The following PPP1R12B variants were observed in gnomAD, a reference collection of about 807,000 sequenced individuals.
The protein encoded by PPP1R12B is protein phosphatase 1 regulatory subunit 12B, also known as myosin phosphatase target subunit 2.
A neutral mutation model predicts 126.1 loss-of-function variants in PPP1R12B; 76 were observed. That is an observed-to-expected ratio of 0.60 (90% confidence interval 0.50 to 0.73). The LOEUF is 0.73. Ranked by LOEUF, PPP1R12B falls within the 30% of genes least tolerant of loss-of-function variation. The pLI, the probability that PPP1R12B is intolerant of heterozygous loss-of-function variation, is 0.00. For synonymous variants in PPP1R12B, 356 were observed against 434.7 expected (o/e 0.82, Z 2.25); for missense variants, 1,052 against 1,205.1 (o/e 0.87, Z 1.88).
At chr1:202,440,393 T>C (rs191688794) in intron 10 of PPP1R12B, among the ~76,000 whole-genome samples, 34 of 152,326 alleles carry the variant, frequency 2.2e-4, no homozygotes, top group African/African-American at 7.5e-4. Context: ...GAGCTTTCTG[T>C]TTGTGTCTTC....
intron 18 of PPP1R12B, among the ~76,000 whole-genome samples, chr1:202,524,561 G>T (rs6696611): frequency 0.43 from 65,992 of 151,944 alleles, 15,683 homozygotes; most frequent in East Asian, 0.71. Flanking sequence ...TTGTATCACT[G>T]ACACCTTTTC....
chr1:202,430,916 G>A (rs1366726508), intron 7 of PPP1R12B, 106 bp downstream of exon 7: 11 of 1,441,526 alleles, frequency 7.6e-6, no homozygotes, highest in East Asian at 2.5e-5. Flanking sequence ...GTATTTAGCC[G>A]AGTGATCTAT....
At position 202,416,909 on chromosome 1, in the gene PPP1R12B, C is replaced by T. The variant is rs368388486; in HGVS notation, c.414C>T (p.Asn138=). The change falls in exon 2 of 24, where the codon AAC becomes AAT. Residue 138 remains asparagine, a synonymous_variant. Coordinates refer to ENST00000608999, the MANE Select transcript of PPP1R12B (RefSeq NM_002481.4). The part of the protein sequence containing the change: ...LHAAASCGYL[N]IAEYFINHGA... ...CAGCAGCTTCCTGTGGCTATCTCAA[C>T]ATAGCAGAGTGAGTGAGTCTCTGTG... 1.1e-5 allele frequency: 17 copies of T among 1,613,610 alleles called. No individual in the cohort carries two copies. The highest frequency in any genetic ancestry group is 3.3e-4 in the Middle Eastern group (2 of 6,082).
intron 12 of PPP1R12B, among the ~76,000 whole-genome samples, chr1:202,446,228 CTCTCTCTCTATATA>C (rs1420431524): frequency 1.6e-5 from 1 of 63,976 alleles, no homozygotes; most frequent in African/African-American, 7.1e-5. Flanking sequence ...CTCTCTCTCT[CTCTCTCTCTATATA>C]TATATATATA....
rs1185922266 is a variant in PPP1R12B at position 202,411,693 on chromosome 1, T to A, written c.292-5094T>A. 2.0e-5 allele frequency among the ~76,000 whole-genome samples: 3 copies of A among 152,104 alleles called. No homozygotes were observed. The South Asian group carries it at 6.2e-4, about 32-fold the overall frequency. ...CCAAGGGCTTATCTCCTTTAATCTT[T>A]ACAAAACCTTATGAGGTAGGTGGTA... On this transcript the variant is annotated intron_variant, in intron 1 of 23. Transcript: ENST00000608999.
intron 4 of PPP1R12B, among the ~76,000 whole-genome samples, chr1:202,426,725 G>A (rs1397613788): frequency 2.6e-5 from 4 of 152,160 alleles, no homozygotes; most frequent in Non-Finnish European, 4.4e-5. Flanking sequence ...ACAGAGTTAT[G>A]TGATTTGGCT....
intron 1 of PPP1R12B, among the ~76,000 whole-genome samples, chr1:202,408,704 A>G (rs1018576438): frequency 4.6e-5 from 7 of 152,188 alleles, no homozygotes; most frequent in African/African-American, 1.7e-4. Flanking sequence ...TGTATATACC[A>G]TATTTTACTT....
At chr1:202,381,099 C>T (rs1662182195) in intron 1 of PPP1R12B, among the ~76,000 whole-genome samples, 1 of 151,994 alleles carries the variant, frequency 6.6e-6, no homozygotes, top group Admixed American at 6.6e-5. Context: ...GTCTGTATTC[C>T]CTTGCACACA....
intron 1 of PPP1R12B, among the ~76,000 whole-genome samples, chr1:202,412,685 T>C (rs1667560884): frequency 6.6e-6 from 1 of 152,234 alleles, no homozygotes; most frequent in Non-Finnish European, 1.5e-5. Context: ...CTTCTTGATA[T>C]AGGAGTATTA....
chr1:202,407,342 T>C lies in PPP1R12B; in HGVS notation c.292-9445T>C, dbSNP rs115006589. ...TTAATTGAAGGGAGATGTTCTCTGG[T>C]CCCAGCCTGTAAACATTTGCAGTCT... On this transcript the variant is annotated intron_variant, in intron 1 of 23. Coordinates refer to ENST00000608999, the MANE Select transcript of PPP1R12B (RefSeq NM_002481.4). Among the ~76,000 whole-genome samples, 466 of 152,334 alleles carry C rather than the reference T, an allele frequency of 3.1e-3. 4 individuals carry two copies. The highest frequency in any genetic ancestry group is 0.011 in the African/African-American group (447 of 41,572).
At chr1:202,529,318 A>G (rs1195218971) in intron 18 of PPP1R12B, among the ~76,000 whole-genome samples, 8 of 152,068 alleles carry the variant, frequency 5.3e-5, no homozygotes, top group African/African-American at 1.4e-4. Context: ...AAAAAAAAAA[A>G]AAGAAGTTAG....
chr1:202,392,972 ATC>A (rs774362493), intron 1 of PPP1R12B, among the ~76,000 whole-genome samples: 1 of 150,704 alleles, frequency 6.6e-6, no homozygotes, highest in East Asian at 2.0e-4. Context: ...CAAAGACAGG[ATC>A]TCTCTCTATT....
At chr1:202,416,980 T>C (rs1452740423) in intron 2 of PPP1R12B, 63 bp downstream of exon 2, 30 of 1,491,076 alleles carry the variant, frequency 2.0e-5, no homozygotes, top group Middle Eastern at 3.6e-4. Flanking sequence ...ATTTCTCCTC[T>C]ATTCTTAGGA....
chr1:202,348,716 G>T lies in PPP1R12B; in HGVS notation c.-136G>T. 1 of 1,126,750 alleles carries T rather than the reference G, an allele frequency of 8.9e-7. No homozygotes were observed. The highest frequency in any genetic ancestry group is 1.2e-6 in the Non-Finnish European group (1 of 810,000). 69.8% of individuals were successfully genotyped at this position (1,126,750 alleles called of 1,614,324 possible). ...GTGCGGGCGGTACTACTGGCGGGAG[G>T]AGTAAAGATGGCGGCGCGAGGGTCT... is the stretch of plus-strand genomic sequence containing the variant. On this transcript the variant is annotated 5_prime_UTR_variant, in exon 1 of 24. Transcript: ENST00000608999.
chr1:202,396,970 A>G (rs1210807656), intron 1 of PPP1R12B, among the ~76,000 whole-genome samples: 1 of 152,120 alleles, frequency 6.6e-6, no homozygotes, highest in African/African-American at 2.4e-5. Flanking sequence ...ACGCTATCCA[A>G]CCTTATTCGC....
chr1:202,487,293 C>G (rs909471847), intron 13 of PPP1R12B, among the ~76,000 whole-genome samples: 6 of 152,172 alleles, frequency 3.9e-5, no homozygotes, highest in Non-Finnish European at 7.4e-5. Context: ...TCTATAGGAA[C>G]AGAAGGGAAT....
intron 1 of PPP1R12B, among the ~76,000 whole-genome samples, chr1:202,411,467 T>C (rs1488790119): frequency 1.3e-5 from 2 of 151,884 alleles, no homozygotes; most frequent in African/African-American, 4.8e-5. Context: ...TTTCTGCAGT[T>C]AGACTTACAA....
chr1:202,395,649 A>G (rs879723017), intron 1 of PPP1R12B, among the ~76,000 whole-genome samples: 2 of 152,206 alleles, frequency 1.3e-5, no homozygotes, highest in Non-Finnish European at 2.9e-5. Flanking sequence ...TGCTAGTTCA[A>G]TCACTGCTAT....
intron 18 of PPP1R12B, 53 bp downstream of exon 18, chr1:202,496,875 T>C: frequency 2.0e-6 from 3 of 1,524,584 alleles, no homozygotes; most frequent in Non-Finnish European, 2.7e-6. Flanking sequence ...CTTGCTCTTG[T>C]ATGTAATTTT....
Sources: gnomAD v4.1 joint callset for allele counts (sites outside exome capture counted in the v4.1 genomes callset) on GRCh38, gnomAD v4.1.1 for gene constraint, MANE v1.5 for transcripts, NCBI Gene and HGNC (gene_info 2026-07-23, HGNC 2026-07-21) for gene names.